The following TRAM2 variants were observed in gnomAD, a reference collection of about 807,000 sequenced individuals.
TRAM2 encodes the protein translocating chain-associated membrane protein 2.
In TRAM2, 12 loss-of-function variants were observed where a neutral mutation model predicts 51.0. That is an observed-to-expected ratio of 0.24 (90% confidence interval 0.15 to 0.38). The LOEUF is 0.38. TRAM2 is among the 10% of genes least tolerant of loss of function. TRAM2 has a pLI of 1.00. For missense variants in TRAM2, 361 were observed against 462.0 expected, an observed-to-expected ratio of 0.78 and a Z score of 2.00; for synonymous variants, 175 against 179.4, an observed-to-expected ratio of 0.98 and a Z score of 0.20.
At chr6:52,541,867 C>T (rs909838333) in intron 1 of TRAM2, among the ~76,000 whole-genome samples, 1 of 149,194 alleles carries the variant, frequency 6.7e-6, no homozygotes, top group Non-Finnish European at 1.5e-5. Context: ...GTGGGCAGAC[C>T]AGCCCCCGGG....
chr6:52,535,924 C>A, intron 1 of TRAM2, 78 bp from the exon 2 acceptor site: 2 of 1,218,386 alleles, frequency 1.6e-6, no homozygotes, highest in Non-Finnish European at 2.4e-6. Flanking sequence ...CTAACCGCCC[C>A]TTTTACATCT....
rs1766759210 is a variant in TRAM2, at chr6:52,525,400, A to G, written c.185-8663T>C. Among the ~76,000 whole-genome samples the G allele has an allele frequency of 2.6e-5, 4 of 152,192 alleles. No homozygotes were observed. The South Asian group carries it at 8.3e-4, about 32-fold the overall frequency. On this transcript the variant is annotated intron_variant, in intron 2 of 10. Transcript: ENST00000182527. ...GGCCTACTCCCTCTGTGGCCTCCCA[A>G]CCTAGAAGATGTGACCAGTGGTGTT...
At chr6:52,520,200 T>TGGA (rs1355780303) in intron 2 of TRAM2, among the ~76,000 whole-genome samples, 2 of 152,156 alleles carry the variant, frequency 1.3e-5, no homozygotes, top group African/African-American at 4.8e-5. Flanking sequence ...TGCTCTGAAG[T>TGGA]GGACTGAAGG....
chr6:52,556,539 C>T (rs534504403), intron 1 of TRAM2, among the ~76,000 whole-genome samples: 1 of 152,134 alleles, frequency 6.6e-6, no homozygotes, highest in Non-Finnish European at 1.5e-5. Context: ...GCCTTGCCCC[C>T]ACAGAGTGTT....
intron 1 of TRAM2, among the ~76,000 whole-genome samples, chr6:52,572,181 C>G (rs1432772774): frequency 6.6e-6 from 1 of 152,234 alleles, no homozygotes; most frequent in Admixed American, 6.5e-5. Flanking sequence ...GTACGTGACC[C>G]TCCTTGGTTT....
At chr6:52,519,798 A>T (rs1581874311) in intron 2 of TRAM2, among the ~76,000 whole-genome samples, 1 of 148,360 alleles carries the variant, frequency 6.7e-6, no homozygotes, top group East Asian at 1.9e-4. Flanking sequence ...ACAGTGGAAG[A>T]TGATTCAGCC....
rs529703267 is a variant in TRAM2, at chr6:52,564,044, G to A, written c.120+12752C>T. On this transcript the variant is annotated intron_variant, in intron 1 of 10. Transcript: ENST00000182527. ...GAACCCAAAAGAGACAGCAGGGATA[G>A]AAAAGCTTCAAATGACCACCAGCAG... is the stretch of plus-strand genomic sequence containing the variant. 2.6e-5 allele frequency among the ~76,000 whole-genome samples: 4 copies of A among 152,224 alleles called. No homozygotes were observed. In the East Asian group the frequency reaches 7.7e-4, roughly 29 times the overall value.
intron 2 of TRAM2, among the ~76,000 whole-genome samples, chr6:52,526,268 G>A (rs1766780166): frequency 1.3e-5 from 2 of 151,794 alleles, no homozygotes; most frequent in South Asian, 2.1e-4. Flanking sequence ...CACATTGCAT[G>A]CTTTGTAATA....
chr6:52,504,911 AG>A (rs779307487), intron 9 of TRAM2, among the ~76,000 whole-genome samples, 157 bp from the exon 10 acceptor site: 8 of 152,220 alleles, frequency 5.3e-5, no homozygotes, highest in Non-Finnish European at 7.3e-5. Context: ...CACTATCACC[AG>A]GAAGAATGTG....
chr6:52,513,734 G>T (rs1366494330), intron 4 of TRAM2, among the ~76,000 whole-genome samples: 2 of 152,180 alleles, frequency 1.3e-5, no homozygotes, highest in Non-Finnish European at 2.9e-5. Context: ...CAGATCACAT[G>T]AATGGGGAGG....
chr6:52,503,342 C>T, intron 10 of TRAM2, 72 bp from the exon 11 acceptor site: 2 of 1,446,454 alleles, frequency 1.4e-6, no homozygotes, highest in Non-Finnish European at 1.9e-6. Flanking sequence ...GAGGGTGGGG[C>T]CAGGCCAAGG....
At position 52,561,958 on chromosome 6, in the gene TRAM2, G is replaced by A. The variant is rs188681494; in HGVS notation, c.120+14838C>T. Among the ~76,000 whole-genome samples, 205 of 151,876 alleles carry A rather than the reference G, an allele frequency of 1.3e-3. 1 individual carries two copies. The highest frequency in any genetic ancestry group is 4.5e-3 in the African/African-American group (188 of 41,384). ...AAATGTTTTGAAATTAGATAATGGC[G>A]ATGTTGTAAAGCATGGTGAATACAC... On this transcript the variant is annotated intron_variant, in intron 1 of 10. Coordinates refer to ENST00000182527, the MANE Select transcript of TRAM2 (RefSeq NM_012288.4).
intron 2 of TRAM2, among the ~76,000 whole-genome samples, chr6:52,520,817 A>T (rs773441119): frequency 6.6e-6 from 1 of 152,082 alleles, no homozygotes; most frequent in Non-Finnish European, 1.5e-5. Flanking sequence ...TACTCCTACA[A>T]TCATAAGGAA....
chr6:52,512,404 C>G (rs1368243201), intron 4 of TRAM2, among the ~76,000 whole-genome samples: 3 of 152,126 alleles, frequency 2.0e-5, no homozygotes, highest in Non-Finnish European at 4.4e-5. Context: ...GGGAGGAGAG[C>G]AGGGGGAGCC....
intron 1 of TRAM2, among the ~76,000 whole-genome samples, chr6:52,537,351 T>C (rs926305255): frequency 6.6e-6 from 1 of 152,214 alleles, no homozygotes; most frequent in Non-Finnish European, 1.5e-5. Flanking sequence ...TCGACCTACC[T>C]TCCTGTCCAA....
intron 2 of TRAM2, among the ~76,000 whole-genome samples, chr6:52,525,842 A>C (rs1289870985): frequency 6.6e-6 from 1 of 152,090 alleles, no homozygotes; most frequent in African/African-American, 2.4e-5. Flanking sequence ...GATAAATTAA[A>C]ATGAGGTCAT....
chr6:52,497,978 A>G lies in TRAM2; in HGVS notation c.*5219T>C, dbSNP rs1489435752. Reference sequence around the variant, plus strand: ...ACGGTGATGTCATGGGCACCACGCCAATCTTATTCCTGGACAATGACTTAA... The same window carrying G: ...ACGGTGATGTCATGGGCACCACGCCGATCTTATTCCTGGACAATGACTTAA... On this transcript the variant is annotated 3_prime_UTR_variant, in exon 11 of 11. Coordinates refer to ENST00000182527, the MANE Select transcript of TRAM2 (RefSeq NM_012288.4). The G allele has an allele frequency of 6.6e-6, 1 of 152,204 alleles. No homozygotes were observed. Among genetic ancestry groups the G allele is most frequent in the Admixed American group, 6.5e-5 (1 of 15,286 alleles). The allele number at this position is 152,204 out of a possible 1,614,324, so 9.4% of individuals were successfully genotyped here. A position where few individuals can be genotyped will look rare whatever the true frequency, so the allele number is the denominator to read the frequency against.
intron 2 of TRAM2, 91 bp from the exon 3 acceptor site, chr6:52,516,828 C>T: frequency 1.0e-6 from 1 of 956,686 alleles, no homozygotes; most frequent in Non-Finnish European, 1.7e-6. Context: ...GCGAAATGCG[C>T]CATCAAATGC....
At chr6:52,527,882 GA>G (rs970545157) in intron 2 of TRAM2, among the ~76,000 whole-genome samples, 2 of 151,480 alleles carry the variant, frequency 1.3e-5, no homozygotes, top group Admixed American at 6.6e-5. Context: ...TTAGTTATTG[GA>G]AAAAAAAATC....
Sources: gnomAD v4.1 joint callset for allele counts (sites outside exome capture counted in the v4.1 genomes callset) on GRCh38, gnomAD v4.1.1 for gene constraint, MANE v1.5 for transcripts, NCBI Gene and HGNC (gene_info 2026-07-23, HGNC 2026-07-21) for gene names.